NRG1: variants seen among roughly 807,000 people sequenced by gnomAD.
NRG1 encodes the protein pro-neuregulin-1, membrane-bound isoform.
In NRG1, 18 loss-of-function variants were observed where a neutral mutation model predicts 63.8. The ratio of observed to expected loss-of-function variants is 0.28; its 90% CI spans 0.19 to 0.42. The LOEUF (loss-of-function observed/expected upper bound fraction) is 0.42, where lower values mean the gene tolerates loss of function less well. Ranked by LOEUF, NRG1 falls within the 10% of genes least tolerant of loss-of-function variation. The pLI is 1.00. For missense variants in NRG1, 762 were observed against 814.7 expected (o/e 0.94, Z 0.79); for synonymous variants, 302 against 301.3 (o/e 1.00, Z -0.02).
rs191619977 is a variant in NRG1 at position 32,382,879 on chromosome 8, T to C, written c.38-212949T>C. Among the ~76,000 whole-genome samples, 982 of 152,102 alleles carry C rather than the reference T, an allele frequency of 6.5e-3. 11 individuals are homozygous for C. Among genetic ancestry groups the C allele is most frequent in the Middle Eastern group, 0.031 (9 of 294 alleles). On this transcript the variant is annotated intron_variant, in intron 1 of 10. Coordinates refer to the NRG1 transcript ENST00000519301. ...ACTTCCCTCATGAAACTTACATTGA[T>C]GGAATGAACTACTTTTTATATATTT...
At chr8:32,659,411 G>A (rs536001494) in intron 5 of NRG1, among the ~76,000 whole-genome samples, 9 of 152,144 alleles carry the variant, frequency 5.9e-5, no homozygotes, top group African/African-American at 1.9e-4. Flanking sequence ...GCCTCCCAGT[G>A]TGCTGGGATT....
intron 5 of NRG1, among the ~76,000 whole-genome samples, chr8:32,726,467 C>T (rs946935563): frequency 1.3e-5 from 2 of 152,066 alleles, no homozygotes; most frequent in Non-Finnish European, 2.9e-5. Context: ...GGAGACAAGA[C>T]TTGAACCACA....
At chr8:32,297,777 C>T (rs1353410676) in intron 1 of NRG1, among the ~76,000 whole-genome samples, 1 of 152,184 alleles carries the variant, frequency 6.6e-6, no homozygotes, top group Non-Finnish European at 1.5e-5. Flanking sequence ...CATCCAAAGC[C>T]AGTCAATCCT....
chr8:32,367,797 G>T (rs1319610431), intron 1 of NRG1, among the ~76,000 whole-genome samples: 3 of 152,088 alleles, frequency 2.0e-5, no homozygotes, highest in Non-Finnish European at 2.9e-5. Flanking sequence ...TAGCTTTATA[G>T]TTTCAGGTCC....
At chr8:31,978,326 G>C (rs972804825) in intron 1 of NRG1, among the ~76,000 whole-genome samples, 1 of 152,030 alleles carries the variant, frequency 6.6e-6, no homozygotes, top group African/African-American at 2.4e-5. Flanking sequence ...AAGTCATAAA[G>C]TCAGGCTTCT....
chr8:32,344,169 G>A (rs1268169040), intron 1 of NRG1, among the ~76,000 whole-genome samples: 1 of 152,190 alleles, frequency 6.6e-6, no homozygotes, highest in Non-Finnish European at 1.5e-5. Flanking sequence ...TGGAGCTTAT[G>A]CAGATAGCAT....
intron 5 of NRG1, among the ~76,000 whole-genome samples, chr8:32,650,788 A>G (rs960122922): frequency 6.6e-6 from 1 of 151,772 alleles, no homozygotes; most frequent in Non-Finnish European, 1.5e-5. Flanking sequence ...CTAAGCTGTC[A>G]TGGCTTATAT....
At chr8:31,784,084 G>T (rs79029156) in intron 1 of NRG1, among the ~76,000 whole-genome samples, 1,683 of 152,256 alleles carry the variant, frequency 0.011, 35 homozygotes, top group African/African-American at 0.039. Context: ...CAGATATGCT[G>T]ATTCCGGGGC....
chr8:32,600,129 C>A (rs1409364627), intron 2 of NRG1, among the ~76,000 whole-genome samples: 1 of 152,042 alleles, frequency 6.6e-6, no homozygotes, highest in Admixed American at 6.6e-5. Flanking sequence ...GCTTAAGAAG[C>A]CTCTCTTTTA....
chr8:32,176,943 A>T (rs898348807), intron 1 of NRG1, among the ~76,000 whole-genome samples: 1 of 152,190 alleles, frequency 6.6e-6, no homozygotes, highest in African/African-American at 2.4e-5. Context: ...ATCTAGAACT[A>T]GAAATACCAT....
intron 1 of NRG1, among the ~76,000 whole-genome samples, chr8:32,579,290 T>C (rs1840234470): frequency 6.6e-6 from 1 of 150,964 alleles, no homozygotes; most frequent in Non-Finnish European, 1.5e-5. Flanking sequence ...GGTAACTCTC[T>C]GCTCGTGGAT....
intron 1 of NRG1, among the ~76,000 whole-genome samples, chr8:32,253,933 TAGG>T (rs1297478131): frequency 6.6e-6 from 1 of 152,116 alleles, no homozygotes; most frequent in Non-Finnish European, 1.5e-5. Flanking sequence ...TGTATGTGTC[TAGG>T]AGTTTATCAA....
chr8:32,711,475 A>G (rs1257743737), intron 5 of NRG1, among the ~76,000 whole-genome samples: 1 of 152,186 alleles, frequency 6.6e-6, no homozygotes, highest in East Asian at 1.9e-4. Flanking sequence ...TACAATGCCT[A>G]GCTAACATTA....
intron 1 of NRG1, among the ~76,000 whole-genome samples, chr8:32,175,801 A>T (rs915102319): frequency 6.6e-6 from 1 of 152,202 alleles, no homozygotes; most frequent in Non-Finnish European, 1.5e-5. Flanking sequence ...CTTCAAGGAG[A>T]ATTACAAACC....
intron 1 of NRG1, among the ~76,000 whole-genome samples, chr8:31,694,043 A>G (rs1332331647): frequency 2.6e-5 from 4 of 152,022 alleles, no homozygotes; most frequent in Non-Finnish European, 5.9e-5. Context: ...AGGTTTTACC[A>G]TGTTGCCCAG....
rs1819749708 is a variant in NRG1 at position 32,443,002 on chromosome 8, T to C, written c.38-152826T>C. On this transcript the variant is annotated intron_variant, in intron 1 of 10. Transcript: ENST00000519301. ...TGGAGTGCAGTGATGTGATTATAAC[T>C]CATTGCATTGCAATCTTGACCCCCT... Among the ~76,000 whole-genome samples, 4 of 152,186 alleles carry C rather than the reference T, an allele frequency of 2.6e-5. No individual in the cohort carries two copies. In the South Asian group the frequency reaches 8.3e-4, roughly 32 times the overall value.
intron 1 of NRG1, among the ~76,000 whole-genome samples, chr8:31,973,001 T>G (rs1807555598): frequency 6.6e-6 from 1 of 152,206 alleles, no homozygotes; most frequent in Non-Finnish European, 1.5e-5. Context: ...TATAAATTTA[T>G]GGGGAGAAAT....
chr8:32,762,682 G>A (rs572841740), intron 11 of NRG1, among the ~76,000 whole-genome samples: 10 of 152,244 alleles, frequency 6.6e-5, no homozygotes, highest in East Asian at 1.9e-4. Context: ...TTCAGGTCAC[G>A]TCAAATTAGA....
intron 1 of NRG1, among the ~76,000 whole-genome samples, chr8:31,869,058 T>A (rs1232306773): frequency 6.6e-6 from 1 of 152,216 alleles, no homozygotes; most frequent in Admixed American, 6.5e-5. Context: ...CCAGTTAAAT[T>A]AGCTTAAAAT....
Sources: gnomAD v4.1 joint callset for allele counts (sites outside exome capture counted in the v4.1 genomes callset) on GRCh38, gnomAD v4.1.1 for gene constraint, MANE v1.5 for transcripts, NCBI Gene and HGNC (gene_info 2026-07-23, HGNC 2026-07-21) for gene names.